Variants in TTC3 observed in about 807,000 individuals in gnomAD.
TTC3 encodes the protein E3 ubiquitin-protein ligase TTC3.
A neutral mutation model predicts 249.6 loss-of-function variants in TTC3; 180 were observed. That is an observed-to-expected ratio of 0.72 (90% CI 0.64 to 0.82). TTC3 has a LOEUF of 0.82. Among genes scored for constraint, TTC3 ranks in the 40% least tolerant of loss-of-function variants. TTC3 has a pLI of 0.00. For synonymous variants in TTC3, 717 were observed against 805.0 expected, an observed-to-expected ratio of 0.89 and a Z score of 1.85; for missense variants, 2,061 against 2,398.4, an observed-to-expected ratio of 0.86 and a Z score of 2.94.
intron 45 of TTC3, among the ~76,000 whole-genome samples, chr21:37,200,564 A>G (rs1440159136): frequency 2.0e-5 from 3 of 152,094 alleles, no homozygotes; most frequent in Admixed American, 2.0e-4. Context: ...AGCTCCAGCC[A>G]CTCGTTAGTG....
At chr21:37,166,489 T>C in exon 33 of TTC3, 2 of 1,614,178 alleles carry the variant, frequency 1.2e-6, no homozygotes, top group Non-Finnish European at 1.7e-6. Context: ...GTGATGCTCA[T>C]ACAGTCCTGA....
chr21:37,099,717 G>A (rs539060828), intron 10 of TTC3, among the ~76,000 whole-genome samples: 322 of 152,210 alleles, frequency 2.1e-3, no homozygotes, highest in Non-Finnish European at 3.6e-3. Context: ...AGTGTAAATT[G>A]GTACAATCAC....
chr21:37,172,583 A>C lies in TTC3; in HGVS notation c.4468-12A>C, dbSNP rs199855386. The C allele has an allele frequency of 3.6e-5, 58 of 1,604,860 alleles. No homozygotes were observed. In the East Asian group the frequency reaches 9.8e-4, roughly 27 times the overall value. Reference sequence around the variant, plus strand: ...ATGATTTTTAATAGATTGTTTTGTAATTCACTTTTAGGGGGAAATTTCACG... The same window carrying C: ...ATGATTTTTAATAGATTGTTTTGTACTTCACTTTTAGGGGGAAATTTCACG... On this transcript the variant is annotated splice_polypyrimidine_tract_variant and intron_variant, in intron 34 of 45. Transcript: ENST00000355666.
chr21:37,122,077 C>A, intron 12 of TTC3, 98 bp downstream of exon 12: 1 of 1,126,926 alleles, frequency 8.9e-7, no homozygotes, highest in Non-Finnish European at 1.2e-6. Context: ...AATCAATCCT[C>A]AGATGATTTA....
intron 44 of TTC3, among the ~76,000 whole-genome samples, chr21:37,198,860 T>C (rs2085200939): frequency 1.3e-5 from 2 of 152,174 alleles, no homozygotes; most frequent in Non-Finnish European, 1.5e-5. Flanking sequence ...ATTTTTTTTT[T>C]TATTGTGGTT....
At chr21:37,190,567 A>T (rs2083955772) in intron 39 of TTC3, among the ~76,000 whole-genome samples, 1 of 152,206 alleles carries the variant, frequency 6.6e-6, no homozygotes, top group Non-Finnish European at 1.5e-5. Flanking sequence ...TGTACTAAGC[A>T]CCCACCATAG....
At position 37,109,631 on chromosome 21, in the gene TTC3, G is replaced by C. The variant is rs542433431; in HGVS notation, c.900+1185G>C. 8.7e-3 allele frequency among the ~76,000 whole-genome samples: 1,330 copies of C among 152,326 alleles called. 9 individuals carry two copies. Among genetic ancestry groups the C allele is most frequent in the Admixed American group, 0.013 (199 of 15,304 alleles). On this transcript the variant is annotated intron_variant, in intron 11 of 45. Coordinates refer to ENST00000355666, the Ensembl canonical transcript of TTC3. ...GCCTGCCTCTGTAGGCTCCACCTCT[G>C]GGGGCAGGGCACAGACAAACAAAAG... is the stretch of plus-strand genomic sequence containing the variant.
At chr21:37,148,908 C>A (rs2079215094) in intron 23 of TTC3, among the ~76,000 whole-genome samples, 1 of 151,668 alleles carries the variant, frequency 6.6e-6, no homozygotes, top group South Asian at 2.1e-4. Context: ...CTCACTGCAG[C>A]CTCAGACTCC....
intron 26 of TTC3, among the ~76,000 whole-genome samples, chr21:37,152,387 T>G (rs1225408088): frequency 2.0e-5 from 3 of 151,636 alleles, no homozygotes; most frequent in Non-Finnish European, 2.9e-5. Context: ...TTGTTTTTTT[T>G]TTTTGTTTTT....
chr21:37,130,647 T>C (rs2077397139), intron 16 of TTC3, among the ~76,000 whole-genome samples: 1 of 152,210 alleles, frequency 6.6e-6, no homozygotes, highest in African/African-American at 2.4e-5. Context: ...CTTGTGTTTC[T>C]TCCCATGTTC....
intron 11 of TTC3, among the ~76,000 whole-genome samples, chr21:37,115,762 C>G (rs2076090392): frequency 6.6e-6 from 1 of 152,210 alleles, no homozygotes; most frequent in Non-Finnish European, 1.5e-5. Flanking sequence ...GGCATCCTCA[C>G]TGTTCCTCAG....
At chr21:37,148,762 C>A (rs1339186594) in intron 23 of TTC3, 115 bp downstream of exon 23, 4 of 647,600 alleles carry the variant, frequency 6.2e-6, no homozygotes, top group Non-Finnish European at 7.5e-6. Context: ...TAAATTATAA[C>A]TTTAATAATA....
intron 26 of TTC3, 92 bp from the exon 27 acceptor site, chr21:37,152,859 A>G: frequency 2.9e-6 from 3 of 1,039,648 alleles, no homozygotes; most frequent in Non-Finnish European, 4.0e-6. Context: ...AATCTGAATC[A>G]TATTTTATAT....
At chr21:37,167,101 G>A (rs2081316212) in intron 33 of TTC3, among the ~76,000 whole-genome samples, 1 of 152,036 alleles carries the variant, frequency 6.6e-6, no homozygotes, top group South Asian at 2.1e-4. Context: ...CTCAGAAAGA[G>A]AAGGAAAAAG....
exon 33 of TTC3, chr21:37,166,602 T>G (rs2081277042): frequency 6.2e-7 from 1 of 1,611,628 alleles, no homozygotes; most frequent in African/African-American, 1.3e-5. Flanking sequence ...CACGTGCAGA[T>G]GGTTGCCATA....
chr21:37,108,638 A>G (rs2507734), intron 11 of TTC3, among the ~76,000 whole-genome samples, 192 bp downstream of exon 11: 1 of 152,140 alleles, frequency 6.6e-6, no homozygotes, highest in South Asian at 2.1e-4. Flanking sequence ...GTGCGTGAGG[A>G]CAGGTGGCCT....
intron 10 of TTC3, among the ~76,000 whole-genome samples, chr21:37,102,424 C>T (rs1055569366): frequency 1.2e-4 from 18 of 152,184 alleles, no homozygotes; most frequent in African/African-American, 4.3e-4. Flanking sequence ...TCTCCTTTCC[C>T]TTCCAAGTCC....
intron 1 of TTC3, among the ~76,000 whole-genome samples, chr21:37,075,113 G>A (rs1164932515): frequency 2.8e-5 from 4 of 143,646 alleles, no homozygotes; most frequent in Non-Finnish European, 6.1e-5. Context: ...ATATATTATT[G>A]TTTGTTTTTA....
Position 37,082,701 on chromosome 21 carries a change from AC to A in TTC3, c.-11-4545del, listed in dbSNP as rs2071863394. 3 of 985,188 alleles carry A rather than the reference AC, an allele frequency of 3.0e-6. No homozygotes were observed. In the South Asian group the frequency reaches 1.4e-4, roughly 46 times the overall value. The allele number at this position is 985,188 out of a possible 1,614,324, so 61.0% of individuals were successfully genotyped here. On this transcript the variant is annotated intron_variant, in intron 1 of 45. Coordinates refer to ENST00000355666, the Ensembl canonical transcript of TTC3. ...CCCTATTTCTATGAGCTCAGCAAAAACATCCAAAAAGTGTTTTTTTTTTTAA... is the reference window on the plus strand; with the variant it reads ...CCCTATTTCTATGAGCTCAGCAAAAAATCCAAAAAGTGTTTTTTTTTTTAA...
Sources: gnomAD v4.1 joint callset for allele counts (sites outside exome capture counted in the v4.1 genomes callset) on GRCh38, gnomAD v4.1.1 for gene constraint, MANE v1.5 for transcripts, NCBI Gene and HGNC (gene_info 2026-07-23, HGNC 2026-07-21) for gene names.